The following PPARG variants were observed in gnomAD, a reference collection of about 807,000 sequenced individuals.
The protein encoded by PPARG is peroxisome proliferator activated receptor gamma, also known as peroxisome proliferator-activated receptor gamma.
In PPARG, 17 loss-of-function variants were observed where a neutral mutation model predicts 39.2. That is an observed-to-expected ratio of 0.43 (90% confidence interval 0.30 to 0.65). The LOEUF is 0.65. Among genes scored for constraint, PPARG ranks in the 30% least tolerant of loss-of-function variants. PPARG has a pLI of 0.13. For missense variants in PPARG, 406 were observed against 585.9 expected (o/e 0.69, Z 3.17); for synonymous variants, 223 against 215.7 (o/e 1.03, Z -0.30).
chr3:12,388,331 C>T (rs2049954447), intron 4 of PPARG, among the ~76,000 whole-genome samples: 1 of 152,104 alleles, frequency 6.6e-6, no homozygotes, highest in African/African-American at 2.4e-5. Context: ...ATGAAACAAA[C>T]ATACCCTCAG....
At chr3:12,345,462 G>T (rs1221479603) in intron 2 of PPARG, among the ~76,000 whole-genome samples, 1 of 152,054 alleles carries the variant, frequency 6.6e-6, no homozygotes, top group Admixed American at 6.6e-5. Flanking sequence ...TTGGCATTAA[G>T]GATCATTGAC....
chr3:12,426,224 G>A (rs1298220752), intron 7 of PPARG, among the ~76,000 whole-genome samples: 1 of 152,232 alleles, frequency 6.6e-6, no homozygotes, highest in Non-Finnish European at 1.5e-5. Context: ...AATTAAATGT[G>A]AAACTGTTAT....
intron 2 of PPARG, among the ~76,000 whole-genome samples, chr3:12,359,831 C>CGCCT (rs2048784017): frequency 6.6e-6 from 1 of 151,918 alleles, no homozygotes; most frequent in South Asian, 2.1e-4. Flanking sequence ...CCCACCACCA[C>CGCCT]GCCTGGCTAA....
intron 2 of PPARG, among the ~76,000 whole-genome samples, chr3:12,361,764 A>C (rs2048854237): frequency 6.6e-6 from 1 of 152,224 alleles, no homozygotes; most frequent in South Asian, 2.1e-4. Flanking sequence ...GGTAGTATAA[A>C]TCCTCCAGCG....
intron 1 of PPARG, among the ~76,000 whole-genome samples, chr3:12,307,407 C>T (rs1484014433): frequency 6.6e-6 from 1 of 152,090 alleles, no homozygotes; most frequent in African/African-American, 2.4e-5. Flanking sequence ...TCCCAACCCA[C>T]CAAAGAGAAT....
intron 2 of PPARG, among the ~76,000 whole-genome samples, chr3:12,331,311 C>T (rs1176514429): frequency 6.6e-6 from 1 of 151,824 alleles, no homozygotes; most frequent in Non-Finnish European, 1.5e-5. Context: ...GTTTTTATGC[C>T]GATAGTTGAA....
At chr3:12,372,955 T>G (rs2049274851) in intron 2 of PPARG, among the ~76,000 whole-genome samples, 1 of 152,182 alleles carries the variant, frequency 6.6e-6, no homozygotes, top group African/African-American at 2.4e-5. Flanking sequence ...GTTGTGAAAT[T>G]AATGGATATA....
chr3:12,313,969 C>G (rs1156911968), intron 2 of PPARG, among the ~76,000 whole-genome samples: 1 of 152,078 alleles, frequency 6.6e-6, no homozygotes, highest in African/African-American at 2.4e-5. Flanking sequence ...CATGCAACTT[C>G]CACTAATACT....
At chr3:12,298,132 T>C (rs1409241115) in intron 1 of PPARG, among the ~76,000 whole-genome samples, 1 of 149,684 alleles carries the variant, frequency 6.7e-6, no homozygotes, top group African/African-American at 2.5e-5. Flanking sequence ...ACCCCGTCTC[T>C]ACTAAAAATA....
At chr3:12,395,846 T>G (rs928755235) in intron 5 of PPARG, among the ~76,000 whole-genome samples, 3 of 152,104 alleles carry the variant, frequency 2.0e-5, no homozygotes, top group African/African-American at 7.2e-5. Context: ...AGAGGAAAGC[T>G]CAAAATGAAA....
intron 5 of PPARG, among the ~76,000 whole-genome samples, chr3:12,396,336 G>T (rs1012368581): frequency 6.6e-6 from 1 of 152,022 alleles, no homozygotes; most frequent in Non-Finnish European, 1.5e-5. Flanking sequence ...TGGCCAAGAT[G>T]GTCTCGAACT....
chr3:12,411,210 T>C (rs2050868661), intron 6 of PPARG, among the ~76,000 whole-genome samples: 1 of 152,216 alleles, frequency 6.6e-6, no homozygotes, highest in Non-Finnish European at 1.5e-5. Context: ...ATTTTTTTTT[T>C]CCAATGGCTG....
At chr3:12,362,430 A>G (rs550309476) in intron 2 of PPARG, among the ~76,000 whole-genome samples, 2 of 152,162 alleles carry the variant, frequency 1.3e-5, no homozygotes, top group South Asian at 4.1e-4. Context: ...GAGGCAGGAG[A>G]ATTGCCCTAA....
intron 2 of PPARG, among the ~76,000 whole-genome samples, chr3:12,379,126 T>TC (rs959733269): frequency 4.0e-5 from 6 of 151,848 alleles, no homozygotes; most frequent in African/African-American, 1.5e-4. Flanking sequence ...CCTGTCTCAG[T>TC]CTCCCAAGTA....
chr3:12,359,857 A>G (rs1012308803), intron 2 of PPARG, among the ~76,000 whole-genome samples: 2 of 151,932 alleles, frequency 1.3e-5, no homozygotes, highest in Non-Finnish European at 2.9e-5. Context: ...TATTTTTAGT[A>G]GAGACGGGGT....
intron 2 of PPARG, among the ~76,000 whole-genome samples, chr3:12,378,604 C>T (rs75157957): frequency 0.012 from 1,813 of 152,098 alleles, 65 homozygotes; most frequent in East Asian, 0.11. Flanking sequence ...ACATGATCCA[C>T]GTGGAATCTA....
chr3:12,361,102 A>G (rs1373640), intron 2 of PPARG, among the ~76,000 whole-genome samples: 113,691 of 152,100 alleles, frequency 0.75, 43,370 homozygotes, highest in African/African-American at 0.9. Context: ...AGCCATTCTG[A>G]TGGGTGTGTT....
At chr3:12,297,548 T>C (rs1236003769) in intron 1 of PPARG, among the ~76,000 whole-genome samples, 2 of 152,196 alleles carry the variant, frequency 1.3e-5, no homozygotes, top group African/African-American at 2.4e-5. Flanking sequence ...TTTCCTATTA[T>C]ACCCAAAATT....
intron 2 of PPARG, among the ~76,000 whole-genome samples, chr3:12,329,670 C>G (rs1231708983): frequency 6.6e-6 from 1 of 152,014 alleles, no homozygotes; most frequent in Non-Finnish European, 1.5e-5. Flanking sequence ...TTTTAACCAT[C>G]TTAAGTGTAC....
Sources: gnomAD v4.1 joint callset for allele counts (sites outside exome capture counted in the v4.1 genomes callset) on GRCh38, gnomAD v4.1.1 for gene constraint, MANE v1.5 for transcripts, NCBI Gene and HGNC (gene_info 2026-07-23, HGNC 2026-07-21) for gene names.